ATP11A: variants seen among roughly 807,000 people sequenced by gnomAD.
ATP11A encodes ATPase phospholipid transporting 11A.
ATP11A carries 81 observed loss-of-function variants against 154.4 expected under a neutral mutation model. That is an observed-to-expected ratio of 0.52 (90% CI 0.44 to 0.63). The LOEUF (loss-of-function observed/expected upper bound fraction) is 0.63. ATP11A is among the 30% of genes least tolerant of loss of function. The pLI is 0.00. For synonymous variants in ATP11A, 623 were observed against 585.9 expected (o/e 1.06, Z -0.91); for missense variants, 1,316 against 1,474.3 (o/e 0.89, Z 1.76).
rs1035721908 is a variant in ATP11A at position 112,785,932 on chromosome 13, G to T, written c.162+675G>T. Among the ~76,000 whole-genome samples the T allele has an allele frequency of 2.0e-5, 3 of 151,992 alleles. No individual in the cohort carries two copies. Among genetic ancestry groups the T allele is most frequent in the Non-Finnish European group, 2.9e-5 (2 of 68,012 alleles). On this transcript the variant is annotated intron_variant, in intron 2 of 29. Coordinates refer to ENST00000375645, the MANE Select transcript of ATP11A (RefSeq NM_015205.3). The surrounding 1 kb of genome is among the most constrained non-coding windows in gnomAD (Gnocchi z 4.8). ...TTTCCAGGTAATGCGGAACGCACGTGCCTGCGTTCAGACTCCATTTATCTT... is the reference window on the plus strand; with the variant it reads ...TTTCCAGGTAATGCGGAACGCACGTTCCTGCGTTCAGACTCCATTTATCTT...
intron 1 of ATP11A, among the ~76,000 whole-genome samples, chr13:112,740,001 T>C (rs2139742061): frequency 6.6e-6 from 1 of 152,242 alleles, no homozygotes; most frequent in East Asian, 1.9e-4. Flanking sequence ...CTGTAGGTCT[T>C]GTGCCTTCTT....
intron 6 of ATP11A, among the ~76,000 whole-genome samples, 165 bp from the exon 7 acceptor site, chr13:112,819,139 T>C (rs573536624): frequency 3.3e-5 from 5 of 152,382 alleles, no homozygotes; most frequent in African/African-American, 1.2e-4. Context: ...TTCTGGCACC[T>C]GATAGGTGCA....
chr13:112,788,923 A>G (rs1482013462), intron 2 of ATP11A, among the ~76,000 whole-genome samples: 1 of 144,874 alleles, frequency 6.9e-6, no homozygotes, highest in Non-Finnish European at 1.5e-5. Context: ...GAGTCCTGAT[A>G]TGTAGATCCC....
chr13:112,785,287 A>C lies in ATP11A; in HGVS notation c.162+30A>C, dbSNP rs151175621. On this transcript the variant is annotated intron_variant, in intron 2 of 29. Transcript: ENST00000375645. This position sits in a 1 kb window ranked among gnomAD's most constrained non-coding sequence, Gnocchi z 4.8. ...CTTGGCTTGGGTCTGAGTGTCCATA[A>C]TGTGTCTAAAAAGCAGCTGCCGGGG... 191 of 1,420,620 alleles carry C rather than the reference A, an allele frequency of 1.3e-4. No individual in the cohort carries two copies. The highest frequency in any genetic ancestry group is 1.6e-4 in the Non-Finnish European group (177 of 1,078,266). 88.0% of individuals were successfully genotyped at this position (1,420,620 alleles called of 1,614,324 possible).
At chr13:112,861,103 C>T (rs545953133) in intron 24 of ATP11A, among the ~76,000 whole-genome samples, 116 of 152,176 alleles carry the variant, frequency 7.6e-4, no homozygotes, top group African/African-American at 2.7e-3. Flanking sequence ...GACAGGAGAG[C>T]GTGTGCAGGA....
At chr13:112,761,382 T>A in intron 1 of ATP11A, among the ~76,000 whole-genome samples, 1 of 152,254 alleles carries the variant, frequency 6.6e-6, no homozygotes, top group South Asian at 2.1e-4. Flanking sequence ...AGATGGAATC[T>A]TCTCTCTGTG....
chr13:112,745,700 G>C (rs1346774408), intron 1 of ATP11A: 1 of 152,140 alleles, frequency 6.6e-6, no homozygotes, highest in African/African-American at 2.4e-5. Flanking sequence ...AAAACAAAAA[G>C]ATTAGGAGCG....
chr13:112,831,538 T>G lies in ATP11A; in HGVS notation c.1385T>G (p.Val462Gly), dbSNP rs2140247733. The G allele has an allele frequency of 6.2e-7, 1 of 1,613,970 alleles. No homozygotes were observed. Among genetic ancestry groups the G allele is most frequent in the African/African-American group, 1.3e-5 (1 of 75,038 alleles). The change falls in exon 13 of 30, where the codon GTC becomes GGC. Residue 462 changes from valine to glycine, a missense_variant. This residue lies in a region of ATP11A where 876 missense variants were observed against 1,006.8 expected (regional missense o/e 0.87). Transcript: ENST00000375645. ...GIDMIDSSPSVNGREREELFF... is the reference protein window; with the variant it reads ...GIDMIDSSPSGNGREREELFF... ...GACATGATTGACTCGTCCCCCAGCG[T>G]CAACGGGAGGGTAGGTGGCAGCCCC...
intron 1 of ATP11A, among the ~76,000 whole-genome samples, chr13:112,708,406 G>A (rs1441707834): frequency 2.6e-5 from 4 of 152,138 alleles, no homozygotes; most frequent in Admixed American, 2.0e-4. Flanking sequence ...CTTATTATTA[G>A]TAAGAAACTT....
chr13:112,833,014 G>C lies in ATP11A; in HGVS notation c.1550G>C (p.Gly517Ala), dbSNP rs761128792. The C allele has an allele frequency of 4.3e-6, 7 of 1,611,902 alleles. No individual in the cohort carries two copies. Among genetic ancestry groups the C allele is most frequent in the Non-Finnish European group, 5.9e-6 (7 of 1,179,140 alleles). The change falls in exon 14 of 30, where the codon GGT becomes GCT. Residue 517 changes from glycine to alanine, a missense_variant. By Grantham distance (60) the Gly-to-Ala change is moderately conservative. Coordinates refer to ENST00000375645, the MANE Select transcript of ATP11A (RefSeq NM_015205.3). ...CCCGACGAGGTGGCGCTGGTCGAAG[G>C]TGTCCAGAGGTACGTCGCGGGCCAA... is the stretch of plus-strand genomic sequence containing the variant. ...SSPDEVALVE[G>A]VQRLGFTYLR... is the part of the protein sequence containing the mutation.
At chr13:112,733,234 A>G (rs1594464227) in intron 1 of ATP11A, among the ~76,000 whole-genome samples, 1 of 152,126 alleles carries the variant, frequency 6.6e-6, no homozygotes, top group Admixed American at 6.6e-5. Flanking sequence ...GCTTGGGGGC[A>G]CACGGCGCGG....
In ATP11A at chr13:112,807,346, G is replaced by A. The variant is rs982833234; in HGVS notation, c.333+1053G>A. Among the ~76,000 whole-genome samples, 1 of 152,246 alleles carries A rather than the reference G, an allele frequency of 6.6e-6. No homozygotes were observed. The highest frequency in any genetic ancestry group is 2.4e-5 in the African/African-American group (1 of 41,462). On this transcript the variant is annotated intron_variant, in intron 4 of 29. Transcript: ENST00000375645. The surrounding 1 kb of genome is among the most constrained non-coding windows in gnomAD (Gnocchi z 4.5). ...GAGCCGGCCGTGCCTACCGGGATAC[G>A]TGAACTAGGATATTCATGGTGGCTG...
intron 1 of ATP11A, among the ~76,000 whole-genome samples, chr13:112,769,844 C>A (rs867214258): frequency 2.0e-5 from 3 of 152,230 alleles, no homozygotes; most frequent in African/African-American, 7.2e-5. Flanking sequence ...TCTGTCTGAT[C>A]GCTTCCCAGC....
chr13:112,842,791 CCTGTTTGGG>C (rs1467398632), intron 17 of ATP11A, among the ~76,000 whole-genome samples: 1 of 152,244 alleles, frequency 6.6e-6, no homozygotes, highest in Non-Finnish European at 1.5e-5. Context: ...TGTGACATCA[CCTGTTTGGG>C]TTTCTTTCCC....
At chr13:112,773,030 AGGCCT>A (rs1406687863) in intron 1 of ATP11A, among the ~76,000 whole-genome samples, 5 of 152,260 alleles carry the variant, frequency 3.3e-5, no homozygotes, top group Non-Finnish European at 7.4e-5. Flanking sequence ...CATACAGGGA[AGGCCT>A]GGTCCATGGT....
intron 1 of ATP11A, among the ~76,000 whole-genome samples, chr13:112,772,690 T>C (rs1213659545): frequency 6.6e-6 from 1 of 152,114 alleles, no homozygotes; most frequent in Non-Finnish European, 1.5e-5. Flanking sequence ...TAATGCACCT[T>C]CTGTTGCCCG....
At chr13:112,804,018 CTG>C (rs1468422143) in intron 2 of ATP11A, among the ~76,000 whole-genome samples, 1 of 12,138 alleles carries the variant, frequency 8.2e-5, no homozygotes. Flanking sequence ...ACCTCCCTCC[CTG>C]CCATCCCCTC....
At position 112,851,456 on chromosome 13, in the gene ATP11A, A is replaced by G. The variant is rs77787029; in HGVS notation, c.1991+238A>G. ...TGCCTGAAAGCACACTTTCCCAGGA[A>G]GTAGTGAAAATAGCTTTGTCATATC... On this transcript the variant is annotated intron_variant, in intron 18 of 29. Coordinates refer to ENST00000375645, the MANE Select transcript of ATP11A (RefSeq NM_015205.3). The G allele has an allele frequency of 5.7e-3, 2,445 of 432,254 alleles. 56 individuals carry two copies. Among genetic ancestry groups the G allele is most frequent in the African/African-American group, 0.043 (2,196 of 51,356 alleles). 26.8% of individuals were successfully genotyped at this position (432,254 alleles called of 1,614,324 possible). A position where few individuals can be genotyped will look rare whatever the true frequency, so the allele number is the denominator to read the frequency against.
At chr13:112,741,304 G>A (rs897978418) in intron 1 of ATP11A, among the ~76,000 whole-genome samples, 36 of 151,878 alleles carry the variant, frequency 2.4e-4, no homozygotes, top group Non-Finnish European at 4.1e-4. Context: ...AGCTGTAGTC[G>A]GGAGGGTTGG....
Sources: gnomAD v4.1 joint callset for allele counts (sites outside exome capture counted in the v4.1 genomes callset) on GRCh38, gnomAD v4.1.1 for gene constraint, gnomAD v4.1.1 regional missense constraint, Gnocchi (gnomAD v3.1) non-coding constraint, MANE v1.5 for transcripts, NCBI Gene and HGNC (gene_info 2026-07-23, HGNC 2026-07-21) for gene names.